Variants in TGM2 observed in about 807,000 individuals in gnomAD.
The protein encoded by TGM2 is transglutaminase 2.
In TGM2, 53 loss-of-function variants were observed where a neutral mutation model predicts 75.6. The observed-to-expected ratio is 0.70, with a 90% CI of 0.56 to 0.88. The LOEUF is 0.88. Ranked by LOEUF, TGM2 falls within the 40% of genes least tolerant of loss-of-function variation. The probability of loss-of-function intolerance (pLI) is 0.00; values close to 1 mark genes in which losing one functional copy is unlikely to be tolerated. For missense variants in TGM2, 842 were observed against 928.5 expected (o/e 0.91, Z 1.21); for synonymous variants, 374 against 381.1 (o/e 0.98, Z 0.22).
intron 1 of TGM2, among the ~76,000 whole-genome samples, chr20:38,163,732 C>A (rs1013451913): frequency 6.6e-6 from 1 of 152,134 alleles, no homozygotes; most frequent in Non-Finnish European, 1.5e-5. Flanking sequence ...ACAGAAGAGA[C>A]CTCAGTGGCC....
intron 9 of TGM2, among the ~76,000 whole-genome samples, chr20:38,138,669 G>A (rs1352717595): frequency 6.6e-6 from 1 of 152,146 alleles, no homozygotes; most frequent in Non-Finnish European, 1.5e-5. Flanking sequence ...TTACCTTCTT[G>A]AGCTGCTCGA....
At chr20:38,132,023 C>T (rs2074839904) in intron 11 of TGM2, among the ~76,000 whole-genome samples, 1 of 152,020 alleles carries the variant, frequency 6.6e-6, no homozygotes, top group South Asian at 2.1e-4. Context: ...CCCACCCCAC[C>T]CTGCCCCACC....
chr20:38,153,369 A>G (rs2075138159), intron 3 of TGM2, among the ~76,000 whole-genome samples: 1 of 152,014 alleles, frequency 6.6e-6, no homozygotes, highest in Non-Finnish European at 1.5e-5. Context: ...TACTAAAAAT[A>G]CAAAAATTAG....
At chr20:38,162,497 TAATA>T (rs2075266460) in intron 1 of TGM2, among the ~76,000 whole-genome samples, 1 of 152,198 alleles carries the variant, frequency 6.6e-6, no homozygotes, top group Non-Finnish European at 1.5e-5. Flanking sequence ...CCGGTTTCTT[TAATA>T]AATAGATTGC....
chr20:38,136,423 AC>A (rs2074901413), intron 10 of TGM2, among the ~76,000 whole-genome samples: 1 of 152,122 alleles, frequency 6.6e-6, no homozygotes, highest in Non-Finnish European at 1.5e-5. Context: ...ACCATGCCCC[AC>A]CCGAGGGCTC....
At chr20:38,138,482 T>A in intron 9 of TGM2, 97 bp from the exon 10 acceptor site, 1 of 1,601,322 alleles carries the variant, frequency 6.2e-7, no homozygotes, top group South Asian at 1.1e-5. Context: ...GCCTGATGAC[T>A]CAGGGCAGCC....
chr20:38,151,905 G>A (rs1366166797), intron 3 of TGM2, among the ~76,000 whole-genome samples: 1 of 152,154 alleles, frequency 6.6e-6, no homozygotes, highest in Non-Finnish European at 1.5e-5. Context: ...GGGCAAGATG[G>A]TAGGAGCCCA....
intron 10 of TGM2, among the ~76,000 whole-genome samples, chr20:38,134,577 C>G (rs1356525085): frequency 6.6e-6 from 1 of 152,158 alleles, no homozygotes; most frequent in Non-Finnish European, 1.5e-5. Flanking sequence ...GAAGAGGAAA[C>G]CTGTATGGTC....
chr20:38,154,102 GATTACAGGTGTGGGATT>G (rs2075152257), intron 3 of TGM2, among the ~76,000 whole-genome samples: 1 of 152,168 alleles, frequency 6.6e-6, no homozygotes, highest in South Asian at 2.1e-4. Context: ...ACAGGTGTGG[GATTACAGGTGTGGGATT>G]ACACTGCACC....
At chr20:38,152,265 G>T (rs1301446306) in intron 3 of TGM2, among the ~76,000 whole-genome samples, 1 of 152,150 alleles carries the variant, frequency 6.6e-6, no homozygotes, top group Non-Finnish European at 1.5e-5. Flanking sequence ...GCAGCTGCCG[G>T]CCCCTCAGAC....
At position 38,128,961 on chromosome 20, in the gene TGM2, G is replaced by A. The variant is rs1427659248; in HGVS notation, c.*1258C>T. ...ATTGCAGCGGGCAGGCTCATGGGTA[G>A]AGCAGGGGTGTCCAGGGCTCTTCTC... is the stretch of plus-strand genomic sequence containing the variant. On this transcript the variant is annotated 3_prime_UTR_variant, in exon 13 of 13. Transcript: ENST00000361475. The A allele has an allele frequency of 1.3e-5, 2 of 152,562 alleles. No homozygotes were observed. The highest frequency in any genetic ancestry group is 2.4e-5 in the African/African-American group (1 of 41,474). The allele number at this position is 152,562 out of a possible 1,614,324, so 9.5% of individuals were successfully genotyped here.
intron 2 of TGM2, among the ~76,000 whole-genome samples, chr20:38,158,862 A>G (rs1206810655): frequency 6.6e-6 from 1 of 151,406 alleles, no homozygotes; most frequent in Non-Finnish European, 1.5e-5. Context: ...GCGCTGACCC[A>G]GGCCAGGCCT....
chr20:38,159,251 G>A (rs1342430830), intron 2 of TGM2, among the ~76,000 whole-genome samples: 1 of 152,170 alleles, frequency 6.6e-6, no homozygotes, highest in Admixed American at 6.5e-5. Flanking sequence ...GCGAACGAAC[G>A]CAGGAGCAGA....
chr20:38,156,644 C>G (rs1401560520), intron 2 of TGM2, among the ~76,000 whole-genome samples: 4 of 152,228 alleles, frequency 2.6e-5, no homozygotes, highest in Non-Finnish European at 5.9e-5. Flanking sequence ...GCCCACACAG[C>G]CTCAAGGTGT....
upstream of TGM2, among the ~76,000 whole-genome samples, chr20:38,167,207 T>C (rs2075318802): frequency 6.6e-6 from 1 of 152,180 alleles, no homozygotes; most frequent in South Asian, 2.1e-4. Context: ...CAGTCAGTTC[T>C]GCAGAACAAA....
rs1600473832 is a variant in TGM2 at position 38,130,328 on chromosome 20, A to T, written c.1955T>A (p.Met652Lys). ...GCCCATGTGGAGCGGCAGCAGGTCC[A>T]TTCTCACCTTAACTTCCTCCCCTGC... ...VEAGEEVKVR[M>K]DLLPLHMGLH... Residue 652 changes from methionine to lysine, a missense_variant, in exon 13 of 13, where the codon ATG becomes AAG. Met to Lys is a moderately conservative substitution (Grantham distance 95). Coordinates refer to ENST00000361475, the MANE Select transcript of TGM2 (RefSeq NM_004613.4). 1 of 1,607,210 alleles carries T rather than the reference A, an allele frequency of 6.2e-7. No homozygotes were observed.
chr20:38,130,517 C>A, intron 12 of TGM2, 148 bp from the exon 13 acceptor site: 2 of 844,076 alleles, frequency 2.4e-6, no homozygotes, highest in East Asian at 2.7e-5. Flanking sequence ...GGGGCCTGGA[C>A]AATCTGCCCT....
At chr20:38,160,923 C>G (rs2075244667) in intron 2 of TGM2, among the ~76,000 whole-genome samples, 1 of 152,184 alleles carries the variant, frequency 6.6e-6, no homozygotes. Flanking sequence ...ACCTCAGCCT[C>G]CCAAATAGCT....
intron 8 of TGM2, among the ~76,000 whole-genome samples, chr20:38,140,904 C>CAT (rs994266134): frequency 2.0e-5 from 3 of 152,130 alleles, no homozygotes; most frequent in East Asian, 1.9e-4. Flanking sequence ...ACAGGTACTA[C>CAT]ATATATATAT....
Sources: allele counts gnomAD v4.1 joint callset (sites outside exome capture counted in the v4.1 genomes callset), GRCh38; gene constraint gnomAD v4.1.1; transcripts MANE v1.5; gene names NCBI Gene and HGNC (gene_info 2026-07-23, HGNC 2026-07-21).